SKIC3: variants seen among roughly 807,000 people sequenced by gnomAD.
The protein encoded by SKIC3 is superkiller complex protein 3.
the SKIC3 span, among the ~76,000 whole-genome samples, chr5:95,504,800 A>C: frequency 2.0e-4 from 30 of 152,278 alleles, 1 homozygote; most frequent in Middle Eastern, 3.4e-3. Flanking sequence ...CAGGAGTTCA[A>C]GACCAACCTG....
chr5:95,475,585 T>G, the SKIC3 span, among the ~76,000 whole-genome samples: 11 of 152,190 alleles, frequency 7.2e-5, no homozygotes, highest in African/African-American at 2.2e-4. Flanking sequence ...AAAACTCTTC[T>G]GTTTATAAAT....
At chr5:95,516,297 CAAT>C in the SKIC3 span, 7 of 1,591,096 alleles carry the variant, frequency 4.4e-6, no homozygotes, top group Non-Finnish European at 4.3e-6. Flanking sequence ...ATTGAGGAGA[CAAT>C]AATATAGAAA....
At chr5:95,525,532 C>T in the SKIC3 span, 4 of 1,613,528 alleles carry the variant, frequency 2.5e-6, no homozygotes, top group East Asian at 6.7e-5. Context: ...AATTCTATAG[C>T]CAAATAAAAA....
At chr5:95,478,160 A>T in the SKIC3 span, 1 of 1,046,688 alleles carries the variant, frequency 9.6e-7, no homozygotes, top group Non-Finnish European at 1.4e-6. Flanking sequence ...TACAAAGTGT[A>T]TCAAGAAGCC....
At chr5:95,543,221 G>A in the SKIC3 span, 1 of 1,613,900 alleles carries the variant, frequency 6.2e-7, no homozygotes, top group Admixed American at 1.7e-5. Context: ...TAATTCAGCA[G>A]CTTTTTTATA....
chr5:95,498,668 C>T, the SKIC3 span: 2 of 1,360,640 alleles, frequency 1.5e-6, no homozygotes, highest in Admixed American at 4.0e-5. Flanking sequence ...CTCTGTCGCC[C>T]AGGCTGGAGT....
At chr5:95,467,396 T>G in the SKIC3 span, among the ~76,000 whole-genome samples, 1 of 152,174 alleles carries the variant, frequency 6.6e-6, no homozygotes, top group Admixed American at 6.5e-5. Context: ...CCAAGGTTGT[T>G]GGTACTCAAA....
the SKIC3 span, chr5:95,541,695 G>GAA: frequency 6.8e-4 from 375 of 554,384 alleles, no homozygotes; most frequent in East Asian, 1.4e-3. Flanking sequence ...ACAAATGTTT[G>GAA]AAAAAAAAAA....
the SKIC3 span, among the ~76,000 whole-genome samples, chr5:95,469,381 A>G: frequency 6.6e-6 from 1 of 152,166 alleles, no homozygotes; most frequent in Non-Finnish European, 1.5e-5. Flanking sequence ...CTTTTTTCAT[A>G]GCTTATAACA....
chr5:95,518,390 A>C, the SKIC3 span, among the ~76,000 whole-genome samples: 2 of 152,208 alleles, frequency 1.3e-5, no homozygotes, highest in South Asian at 4.1e-4. Context: ...ATGCTACAGA[A>C]CACTAGAACT....
the SKIC3 span, among the ~76,000 whole-genome samples, chr5:95,514,228 G>A: frequency 4.6e-5 from 7 of 152,130 alleles, no homozygotes; most frequent in Admixed American, 2.6e-4. Context: ...CAAGAACTTC[G>A]AGGCCACTCA....
chr5:95,539,834 ACT>A, the SKIC3 span, among the ~76,000 whole-genome samples: 1 of 123,890 alleles, frequency 8.1e-6, no homozygotes, highest in African/African-American at 4.0e-5. Context: ...ACAGAGTGAC[ACT>A]CTGCCTCAAA....
the SKIC3 span, among the ~76,000 whole-genome samples, chr5:95,477,410 C>T: frequency 1.6e-3 from 247 of 152,182 alleles, 2 homozygotes; most frequent in African/African-American, 5.7e-3. Flanking sequence ...AAGTGAGTAA[C>T]TAACATTCTC....
At chr5:95,514,068 G>A in the SKIC3 span, among the ~76,000 whole-genome samples, 4 of 152,234 alleles carry the variant, frequency 2.6e-5, no homozygotes, top group Admixed American at 1.3e-4. Context: ...ATGGGAACAG[G>A]AGTTTGCCTT....
the SKIC3 span, among the ~76,000 whole-genome samples, chr5:95,510,630 C>T: frequency 1.3e-5 from 2 of 152,174 alleles, no homozygotes; most frequent in Admixed American, 1.3e-4. Flanking sequence ...CTTCAACTCC[C>T]TATGATTTCA....
chr5:95,488,926 T>A, the SKIC3 span, among the ~76,000 whole-genome samples: 1 of 151,730 alleles, frequency 6.6e-6, no homozygotes, highest in African/African-American at 2.4e-5. Context: ...TGAATGTAAA[T>A]GAATTAAACT....
the SKIC3 span, chr5:95,525,448 A>G: frequency 6.2e-7 from 1 of 1,613,996 alleles, no homozygotes; most frequent in Non-Finnish European, 8.5e-7. Context: ...TCAAAGCCTC[A>G]AGGGCATGAA....
At chr5:95,498,412 C>G in the SKIC3 span, 205 of 1,614,046 alleles carry the variant, frequency 1.3e-4, no homozygotes, top group Non-Finnish European at 1.6e-4. Context: ...AGCCACACTG[C>G]GGCCTTGGAG....
the SKIC3 span, among the ~76,000 whole-genome samples, chr5:95,496,690 G>A: frequency 1.7e-4 from 26 of 151,814 alleles, no homozygotes; most frequent in African/African-American, 6.1e-4. Context: ...CACACAATTG[G>A]GTAAACAAAG....
Sources: allele counts gnomAD v4.1 joint callset (sites outside exome capture counted in the v4.1 genomes callset), GRCh38; gene constraint gnomAD v4.1.1; transcripts MANE v1.5; gene names NCBI Gene and HGNC (gene_info 2026-07-23, HGNC 2026-07-21).